The following PSMB1 variants were observed in gnomAD, a reference collection of about 807,000 sequenced individuals.
PSMB1 encodes proteasome 20S subunit beta 1.
A neutral mutation model predicts 25.4 loss-of-function variants in PSMB1; 7 were observed. The ratio of observed to expected loss-of-function variants is 0.28; its 90% CI spans 0.16 to 0.52. The LOEUF (loss-of-function observed/expected upper bound fraction) is 0.52, where lower values mean the gene tolerates loss of function less well. Among genes scored for constraint, PSMB1 ranks in the 20% least tolerant of loss-of-function variants. PSMB1 has a pLI of 0.97. For synonymous variants in PSMB1, 119 were observed against 115.0 expected (o/e 1.03, Z -0.22); for missense variants, 284 against 302.2 (o/e 0.94, Z 0.45).
At chr6:170,536,692 A>C (rs10455991) in intron 5 of PSMB1, among the ~76,000 whole-genome samples, 6,239 of 152,304 alleles carry the variant, frequency 0.041, 160 homozygotes, top group Middle Eastern at 0.085. Context: ...CACATAATAC[A>C]TATGTAAAAT....
At chr6:170,551,027 C>G (rs776774238) in intron 1 of PSMB1, among the ~76,000 whole-genome samples, 2 of 151,882 alleles carry the variant, frequency 1.3e-5, no homozygotes, top group Non-Finnish European at 2.9e-5. Context: ...CACCTGTAAT[C>G]CCAGCTACTC....
At chr6:170,549,154 T>A (rs1778860626) in intron 1 of PSMB1, 41 bp from the exon 2 acceptor site, 1 of 1,192,284 alleles carries the variant, frequency 8.4e-7, no homozygotes, top group Non-Finnish European at 1.2e-6. Context: ...AGGGTGGTAA[T>A]CCTATCCCTA....
chr6:170,549,236 T>C (rs924038329), intron 1 of PSMB1, 123 bp from the exon 2 acceptor site: 6 of 521,878 alleles, frequency 1.1e-5, no homozygotes, highest in African/African-American at 3.9e-5. Context: ...ATGATTCAAA[T>C]GGGAAGAGGA....
At chr6:170,546,424 A>T (rs1379830097) in intron 2 of PSMB1, among the ~76,000 whole-genome samples, 1 of 151,986 alleles carries the variant, frequency 6.6e-6, no homozygotes, top group African/African-American at 2.4e-5. Context: ...TCATGGGTGA[A>T]TTTTTTTTAC....
chr6:170,553,054 G>C (rs1468068951), intron 1 of PSMB1, 76 bp downstream of exon 1: 11 of 1,301,894 alleles, frequency 8.4e-6, no homozygotes, highest in East Asian at 2.5e-5. Context: ...GCGCCATCAC[G>C]GCGGTGACTC....
At chr6:170,537,130 T>C (rs1778703915) in intron 5 of PSMB1, 104 bp downstream of exon 5, 1 of 822,056 alleles carries the variant, frequency 1.2e-6, no homozygotes, top group Non-Finnish European at 2.0e-6. Context: ...CTTTATATCT[T>C]GGCTCTCCTA....
intron 4 of PSMB1, among the ~76,000 whole-genome samples, chr6:170,537,868 T>C (rs1465746280): frequency 1.3e-5 from 2 of 152,086 alleles, no homozygotes; most frequent in African/African-American, 2.4e-5. Flanking sequence ...CAAACAGTCA[T>C]TTGTAAGAAA....
rs377457915 is a variant in PSMB1, at chr6:170,553,285, C to T, written c.-43G>A. On this transcript the variant is annotated 5_prime_UTR_variant, in exon 1 of 6. Coordinates refer to ENST00000262193, the MANE Select transcript of PSMB1 (RefSeq NM_002793.4). ...GGATCCGACACTTGCTGTCTCACGGCGAGATGGCTGCCTTGACCGGACGTT... is the reference window on the plus strand; with the variant it reads ...GGATCCGACACTTGCTGTCTCACGGTGAGATGGCTGCCTTGACCGGACGTT... 2.7e-6 allele frequency: 4 copies of T among 1,465,162 alleles called. No individual in the cohort carries two copies. Among genetic ancestry groups the T allele is most frequent in the Admixed American group, 1.8e-5 (1 of 54,690 alleles). 90.8% of individuals were successfully genotyped at this position (1,465,162 alleles called of 1,614,324 possible). A position where few individuals can be genotyped will look rare whatever the true frequency, so the allele number is the denominator to read the frequency against.
At chr6:170,539,123 A>G (rs1430060060) in intron 4 of PSMB1, among the ~76,000 whole-genome samples, 2 of 152,260 alleles carry the variant, frequency 1.3e-5, no homozygotes, top group Non-Finnish European at 2.9e-5. Flanking sequence ...AAATAAATGT[A>G]GAATGGCATG....
At chr6:170,548,359 C>T (rs929941927) in intron 2 of PSMB1, among the ~76,000 whole-genome samples, 2 of 152,100 alleles carry the variant, frequency 1.3e-5, no homozygotes, top group Non-Finnish European at 2.9e-5. Context: ...TGCCAATCTG[C>T]AGTATGTATT....
At position 170,543,623 on chromosome 6, in the gene PSMB1, G is replaced by C. The variant is rs990050672; in HGVS notation, c.411C>G (p.Ile137Met). 1 of 1,609,826 alleles carries C rather than the reference G, an allele frequency of 6.2e-7. No homozygotes were observed. Among genetic ancestry groups the C allele is most frequent in the African/African-American group, 1.3e-5 (1 of 74,798 alleles). The change falls in exon 4 of 6, where the codon ATC becomes ATG. Residue 137 changes from isoleucine (I) to methionine (M), a missense_variant. Coordinates refer to ENST00000262193, the MANE Select transcript of PSMB1 (RefSeq NM_002793.4). ...RRFFPYYVYN[I>M]IGGLDEEGKG... ...TACCTTCTTCATCAAGTCCACCGATGATGTTGTAAACATAGTATGGAAAGA... is the reference window on the plus strand; with the variant it reads ...TACCTTCTTCATCAAGTCCACCGATCATGTTGTAAACATAGTATGGAAAGA...
intron 3 of PSMB1, among the ~76,000 whole-genome samples, chr6:170,545,821 G>C (rs1211178057): frequency 6.6e-6 from 1 of 152,090 alleles, no homozygotes; most frequent in African/African-American, 2.4e-5. Flanking sequence ...TGAGGGAAGA[G>C]TATCTTCAGA....
At chr6:170,540,604 A>AAAAAAAAAAAC in intron 4 of PSMB1, among the ~76,000 whole-genome samples, 1 of 151,338 alleles carries the variant, frequency 6.6e-6, no homozygotes, top group South Asian at 2.1e-4. Context: ...AAAAAAAAAA[A>AAAAAAAAAAAC]AAAAAAAAAT....
chr6:170,550,587 C>G (rs1354673803), intron 1 of PSMB1: 1 of 152,056 alleles, frequency 6.6e-6, no homozygotes. Context: ...GAGAAAAGTT[C>G]CATTTACAAA....
intron 1 of PSMB1, among the ~76,000 whole-genome samples, chr6:170,552,643 G>A (rs1034955993): frequency 6.6e-6 from 1 of 152,164 alleles, no homozygotes; most frequent in African/African-American, 2.4e-5. Context: ...GCTACAATTA[G>A]ACATCTCGGC....
intron 4 of PSMB1, among the ~76,000 whole-genome samples, chr6:170,542,360 C>T (rs1025064760): frequency 4.6e-5 from 7 of 152,054 alleles, no homozygotes; most frequent in Non-Finnish European, 7.4e-5. Flanking sequence ...TAGAATTTTC[C>T]CTCACAGGAT....
At chr6:170,538,920 G>A (rs577878394) in intron 4 of PSMB1, among the ~76,000 whole-genome samples, 51 of 152,236 alleles carry the variant, frequency 3.4e-4, no homozygotes, top group African/African-American at 1.2e-3. Context: ...CAGGCCACAA[G>A]TAAACTGAGG....
chr6:170,535,578 A>G (rs1778680230), intron 5 of PSMB1, among the ~76,000 whole-genome samples, 173 bp from the exon 6 acceptor site: 2 of 152,202 alleles, frequency 1.3e-5, no homozygotes, highest in Admixed American at 1.3e-4. Context: ...TGAATTACAC[A>G]CATCAGAAAT....
At position 170,545,531 on chromosome 6, in the gene PSMB1, T is replaced by C. The variant is rs142686318; in HGVS notation, c.303+572A>G. Among the ~76,000 whole-genome samples the C allele has an allele frequency of 2.0e-4, 31 of 152,348 alleles. No individual in the cohort carries two copies. The East Asian group carries it at 5.6e-3, about 27-fold the overall frequency. Reference sequence around the variant, plus strand: ...TAAGTGTAAATAATCTCAAGTGTTATTCATGAATAGGCAAAACAGAATGTG... The same window carrying C: ...TAAGTGTAAATAATCTCAAGTGTTACTCATGAATAGGCAAAACAGAATGTG... On this transcript the variant is annotated intron_variant, in intron 3 of 5. Coordinates refer to ENST00000262193, the MANE Select transcript of PSMB1 (RefSeq NM_002793.4).
Sources: gnomAD v4.1 joint callset for allele counts (sites outside exome capture counted in the v4.1 genomes callset) on GRCh38, gnomAD v4.1.1 for gene constraint, MANE v1.5 for transcripts, NCBI Gene and HGNC (gene_info 2026-07-23, HGNC 2026-07-21) for gene names.